The following TCERG1 variants were observed in gnomAD, a reference collection of about 807,000 sequenced individuals.
TCERG1 encodes the protein transcription elongation regulator 1, also known as TATA box binding protein (TBP)-associated factor, RNA polymerase II, S, 150kD.
Under a neutral mutation model 144.7 loss-of-function variants are expected in TCERG1, and 37 were observed. The ratio of observed to expected loss-of-function variants is 0.26; its 90% CI spans 0.20 to 0.34. The LOEUF (loss-of-function observed/expected upper bound fraction) is 0.34. Among genes scored for constraint, TCERG1 ranks in the 10% least tolerant of loss-of-function variants. TCERG1 has a pLI of 1.00. For synonymous variants in TCERG1, 492 were observed against 458.2 expected (o/e 1.07, Z -0.94); for missense variants, 1,027 against 1,380.7 (o/e 0.74, Z 4.06).
intron 15 of TCERG1, among the ~76,000 whole-genome samples, chr5:146,484,581 G>GTA (rs138732425): frequency 0.14 from 21,124 of 152,122 alleles, 2,471 homozygotes; most frequent in East Asian, 0.71. Flanking sequence ...TGCCAGATAT[G>GTA]TATTTTAGTA....
intron 16 of TCERG1, 40 bp downstream of exon 16, chr5:146,493,078 T>C (rs1581534394): frequency 7.4e-7 from 1 of 1,347,962 alleles, no homozygotes; most frequent in East Asian, 2.4e-5. Context: ...AGTGTATTTA[T>C]TTTCTCCTAA....
intron 9 of TCERG1, among the ~76,000 whole-genome samples, chr5:146,475,819 G>A (rs998833929): frequency 3.9e-5 from 6 of 152,168 alleles, no homozygotes; most frequent in African/African-American, 1.4e-4. Flanking sequence ...ATCACCATTG[G>A]TCACTTAGAG....
At chr5:146,494,946 T>C (rs1766751670) in intron 16 of TCERG1, among the ~76,000 whole-genome samples, 2 of 152,326 alleles carry the variant, frequency 1.3e-5, no homozygotes, top group South Asian at 4.1e-4. Flanking sequence ...AAGTAGTTTT[T>C]TCACAGTTAA....
intron 16 of TCERG1, among the ~76,000 whole-genome samples, chr5:146,496,759 C>T (rs1464246263): frequency 6.6e-6 from 1 of 151,512 alleles, no homozygotes; most frequent in African/African-American, 2.4e-5. Context: ...CTCACTGCAG[C>T]CTCAGATTCC....
chr5:146,447,499 G>A (rs1761961965), intron 1 of TCERG1, 91 bp downstream of exon 1: 4 of 1,503,024 alleles, frequency 2.7e-6, no homozygotes, highest in Non-Finnish European at 8.9e-7. Context: ...GGGGCGGACG[G>A]TGGGTAGCGG....
intron 19 of TCERG1, chr5:146,505,630 A>G (rs1767914314): frequency 6.6e-6 from 1 of 152,120 alleles, no homozygotes; most frequent in African/African-American, 2.4e-5. Context: ...GGGTACGCTC[A>G]AGTATCTCTT....
chr5:146,507,471 A>G lies in TCERG1; in HGVS notation c.2961+264A>G. 2.7e-6 allele frequency: 1 copy of G among 371,472 alleles called. No homozygotes were observed. The highest frequency in any genetic ancestry group is 4.7e-6 in the Non-Finnish European group (1 of 211,358). 23.0% of individuals were successfully genotyped at this position (371,472 alleles called of 1,614,324 possible). On this transcript the variant is annotated intron_variant, in intron 20 of 22. Coordinates refer to ENST00000679501, the MANE Select transcript of TCERG1 (RefSeq NM_001382548.1). This position sits in a 1 kb window ranked among gnomAD's most constrained non-coding sequence, Gnocchi z 4.6. ...GTGGTCAGTGATCCCTCCTAATAAT[A>G]GATTTAGCAAATTTCTTCTTTTGAT...
chr5:146,461,622 A>G (rs1199252771), intron 4 of TCERG1, among the ~76,000 whole-genome samples: 1 of 152,090 alleles, frequency 6.6e-6, no homozygotes, highest in Non-Finnish European at 1.5e-5. Flanking sequence ...TGTCATCTCC[A>G]TTGGTGTTCT....
At chr5:146,489,083 TA>T (rs1325259561) in intron 15 of TCERG1, among the ~76,000 whole-genome samples, 1 of 152,128 alleles carries the variant, frequency 6.6e-6, no homozygotes, top group Non-Finnish European at 1.5e-5. Flanking sequence ...AGAGATTTGT[TA>T]AAGGATACAT....
At chr5:146,460,737 A>G (rs1217321622) in intron 4 of TCERG1, among the ~76,000 whole-genome samples, 1 of 152,222 alleles carries the variant, frequency 6.6e-6, no homozygotes, top group East Asian at 1.9e-4. Flanking sequence ...GTTTTTAGAC[A>G]TTTTGTAGCG....
chr5:146,485,835 CAA>C lies in TCERG1; in HGVS notation c.2163+2207_2163+2208del, dbSNP rs1175264777. Reference sequence around the variant, plus strand: ...TTAGCCTCCCAAGTAGCTGGGATTACAAGCGTGCACCACCATGCCCGGCTAAT... The same window carrying C: ...TTAGCCTCCCAAGTAGCTGGGATTACGCGTGCACCACCATGCCCGGCTAAT... On this transcript the variant is annotated intron_variant, in intron 15 of 22. Transcript: ENST00000679501. Among the ~76,000 whole-genome samples the C allele has an allele frequency of 2.0e-5, 3 of 152,158 alleles. No individual in the cohort carries two copies. The East Asian group carries it at 5.8e-4, about 29-fold the overall frequency.
At chr5:146,500,796 G>A (rs754989044) in intron 17 of TCERG1, among the ~76,000 whole-genome samples, 42 of 152,144 alleles carry the variant, frequency 2.8e-4, no homozygotes, top group Non-Finnish European at 5.6e-4. Flanking sequence ...TGAGGCACGA[G>A]GATTGCTCGA....
chr5:146,500,991 G>GATGCCC (rs1413906790), intron 17 of TCERG1, among the ~76,000 whole-genome samples: 1 of 124,900 alleles, frequency 8.0e-6, no homozygotes, highest in Non-Finnish European at 1.6e-5. Flanking sequence ...CTGGACAACA[G>GATGCCC]ATGGGATTCT....
At chr5:146,492,280 G>T (rs1766502846) in intron 15 of TCERG1, among the ~76,000 whole-genome samples, 1 of 152,066 alleles carries the variant, frequency 6.6e-6, no homozygotes. Flanking sequence ...TTGACTGCTA[G>T]GTTATGTTGA....
intron 16 of TCERG1, among the ~76,000 whole-genome samples, chr5:146,497,845 T>C (rs1767074643): frequency 6.6e-6 from 1 of 152,250 alleles, no homozygotes; most frequent in Non-Finnish European, 1.5e-5. Flanking sequence ...ATCTCTTCTA[T>C]GCTCTTAACC....
At chr5:146,481,249 C>T in intron 13 of TCERG1, 49 bp downstream of exon 13, 1 of 887,890 alleles carries the variant, frequency 1.1e-6, no homozygotes, top group Non-Finnish European at 1.3e-6. Flanking sequence ...TCTTTTATTT[C>T]CTTTATTGAG....
At chr5:146,509,334 A>G in intron 22 of TCERG1, 89 bp downstream of exon 22, 2 of 856,402 alleles carry the variant, frequency 2.3e-6, no homozygotes, top group Non-Finnish European at 3.7e-6. Context: ...ATTCACACAC[A>G]TGTTGACATT....
intron 5 of TCERG1, among the ~76,000 whole-genome samples, chr5:146,466,248 G>T (rs1459572816): frequency 1.3e-5 from 2 of 152,024 alleles, no homozygotes; most frequent in Non-Finnish European, 2.9e-5. Context: ...ATTCAATTCA[G>T]CAATAAGGTG....
chr5:146,473,807 G>GT (rs1764572335), intron 9 of TCERG1, among the ~76,000 whole-genome samples: 3 of 152,094 alleles, frequency 2.0e-5, no homozygotes, highest in South Asian at 4.1e-4. Flanking sequence ...AAAGAAGTTT[G>GT]TTTTTTTCCT....
Sources: gnomAD v4.1 joint callset for allele counts (sites outside exome capture counted in the v4.1 genomes callset) on GRCh38, gnomAD v4.1.1 for gene constraint, Gnocchi (gnomAD v3.1) non-coding constraint, MANE v1.5 for transcripts, NCBI Gene and HGNC (gene_info 2026-07-23, HGNC 2026-07-21) for gene names.